BACH1: variants seen among roughly 807,000 people sequenced by gnomAD.
The protein encoded by BACH1 is BTB domain and CNC homolog 1.
Under a neutral mutation model 52.9 loss-of-function variants are expected in BACH1, and 35 were observed. That is an observed-to-expected ratio of 0.66 (90% CI 0.51 to 0.88). The LOEUF (loss-of-function observed/expected upper bound fraction) is 0.88, where lower values mean the gene tolerates loss of function less well. Ranked by LOEUF, BACH1 falls within the 40% of genes least tolerant of loss-of-function variation. The pLI, the probability that BACH1 is intolerant of heterozygous loss-of-function variation, is 0.00. For missense variants in BACH1, 808 were observed against 872.6 expected (o/e 0.93, Z 0.93); for synonymous variants, 321 against 319.6 (o/e 1.00, Z -0.05).
chr21:29,321,422 C>CACCGGTCCGTGCTG lies in BACH1; in HGVS notation c.143_156dup (p.Ala53ThrfsTer17). ...TGTGGAGGGACAGCGGTTCCGCGCT[C>CACCGGTCCGTGCTG]ACCGGTCCGTGCTGGCGGCATGCAG... is the stretch of plus-strand genomic sequence containing the variant. On this transcript the variant is annotated frameshift_variant, in exon 2 of 5. Transcript: ENST00000286800. LOFTEE classifies it high-confidence loss of function. 1 of 1,614,216 alleles carries CACCGGTCCGTGCTG rather than the reference C, an allele frequency of 6.2e-7. No homozygotes were observed. Among genetic ancestry groups the CACCGGTCCGTGCTG allele is most frequent in the Admixed American group, 1.7e-5 (1 of 60,028 alleles).
In BACH1 at chr21:29,342,657, G is replaced by A; in HGVS notation, c.2035G>A (p.Val679Met). 6.2e-7 allele frequency: 1 copy of A among 1,614,218 alleles called. No individual in the cohort carries two copies. The highest frequency in any genetic ancestry group is 2.2e-5 in the East Asian group (1 of 44,880). The change falls in exon 5 of 5, where the codon GTG becomes ATG. Residue 679 changes from valine to methionine, a missense_variant. By Grantham distance (21) the Val-to-Met change is conservative. Transcript: ENST00000286800. The stretch of plus-strand genomic sequence containing the variant: ...CAGTTTATCTGACCGGCCTCCAGCA[G>A]TGCTGCCTCCCTGTGCCAGAGGAAA... ...IFSLSDRPPA[V>M]LPPCARGNSE...
intron 1 of BACH1, among the ~76,000 whole-genome samples, chr21:29,306,303 C>G (rs2088657001): frequency 6.6e-6 from 1 of 151,564 alleles, no homozygotes; most frequent in South Asian, 2.1e-4. Context: ...TGCAAGATGG[C>G]TGCCACAAGT....
downstream of BACH1, among the ~76,000 whole-genome samples, chr21:29,346,792 T>G (rs1474820898): frequency 6.6e-6 from 1 of 151,768 alleles, no homozygotes; most frequent in Non-Finnish European, 1.5e-5. Context: ...GCTGCAAGAG[T>G]TCAAAGGAGA....
chr21:29,329,629 C>T lies in BACH1; in HGVS notation c.1712C>T (p.Ala571Val), dbSNP rs774857095. 2 of 1,603,972 alleles carry T rather than the reference C, an allele frequency of 1.2e-6. No homozygotes were observed. The highest frequency in any genetic ancestry group is 2.2e-5 in the East Asian group (1 of 44,514). The change falls in exon 4 of 5, where the codon GCA becomes GTA. Residue 571 changes from alanine to valine, a missense_variant. Physicochemically the swap from Ala to Val is moderately conservative, Grantham distance 64. Coordinates refer to ENST00000286800, the MANE Select transcript of BACH1 (RefSeq NM_001186.4). ...AGAAGAAGTAAAAACAGAATTGCTG[C>T]ACAGCGCTGTCGCAAGAGAAAACTT... ...IRRRSKNRIA[A>V]QRCRKRKLDC...
Position 29,344,337 on chromosome 21 carries a change from A to G in BACH1, c.*1504A>G, listed in dbSNP as rs2089146651. On this transcript the variant is annotated 3_prime_UTR_variant, in exon 5 of 5. Transcript: ENST00000286800. The stretch of plus-strand genomic sequence containing the variant: ...CAGGGCTTGTCTAGCTAATGTGGGC[A>G]GCCACCACCCACTGTGTATGAACAA... 6.5e-6 allele frequency: 1 copy of G among 152,680 alleles called. No homozygotes were observed. Among genetic ancestry groups the G allele is most frequent in the Admixed American group, 6.5e-5 (1 of 15,278 alleles). 9.5% of individuals were successfully genotyped at this position (152,680 alleles called of 1,614,324 possible).
Position 29,358,479 on chromosome 21 carries a change from C to T in BACH1, c.472+28786C>T, listed in dbSNP as rs189813556. 6.6e-5 allele frequency among the ~76,000 whole-genome samples: 10 copies of T among 152,294 alleles called. No individual in the cohort carries two copies. In the East Asian group the frequency reaches 1.5e-3, roughly 23 times the overall value. On this transcript the variant is annotated intron_variant, in intron 2 of 4. Transcript: ENST00000422809. ...AAAGTGGGCTGGGCGCCGTGGCTCA[C>T]GCCTGTAATCCCAGCACTTTGGGAG...
chr21:29,347,712 C>T (rs1025901259), downstream of BACH1, among the ~76,000 whole-genome samples: 2 of 152,182 alleles, frequency 1.3e-5, no homozygotes, highest in African/African-American at 4.8e-5. Context: ...AACATTTGGT[C>T]TCAGAAGGCT....
Position 29,342,436 on chromosome 21 carries a change from A to C in BACH1, c.1814A>C (p.His605Pro). 2 of 1,614,080 alleles carry C rather than the reference A, an allele frequency of 1.2e-6. No individual in the cohort carries two copies. Among genetic ancestry groups the C allele is most frequent in the Non-Finnish European group, 1.7e-6 (2 of 1,179,940 alleles). ...EKESLLKERD[H>P]ILSTLGETKQ... ...GAGAGCTTGTTGAAGGAAAGAGATC[A>C]CATTTTGTCAACTCTGGGTGAGACA... The change falls in exon 5 of 5, where the codon CAC (histidine) becomes CCC (proline). Residue 605 changes from histidine (H) to proline (P), a missense_variant. Physicochemically the swap from His to Pro is moderately conservative, Grantham distance 77. Transcript: ENST00000286800.
chr21:29,356,744 G>T (rs537456631), intron 2 of BACH1, among the ~76,000 whole-genome samples: 1 of 152,388 alleles, frequency 6.6e-6, no homozygotes, highest in Non-Finnish European at 1.5e-5. Flanking sequence ...GGTGATATTG[G>T]AGTGTTACAG....
chr21:29,303,248 A>G (rs907193568), intron 1 of BACH1, among the ~76,000 whole-genome samples: 28 of 152,252 alleles, frequency 1.8e-4, no homozygotes, highest in Non-Finnish European at 3.8e-4. Context: ...TACAATGGAC[A>G]TATTTATCGT....
intron 1 of BACH1, among the ~76,000 whole-genome samples, chr21:29,315,983 TA>T (rs200389596): frequency 1.2e-3 from 180 of 148,804 alleles, no homozygotes; most frequent in African/African-American, 3.4e-3. Flanking sequence ...AGCCTTTTTT[TA>T]AAAAAAAAAA....
In BACH1 at chr21:29,336,939, T is replaced by C. The variant is rs1446350691; in HGVS notation, c.1777-5460T>C. Among the ~76,000 whole-genome samples, 3 of 152,224 alleles carry C rather than the reference T, an allele frequency of 2.0e-5. No homozygotes were observed. In the East Asian group the frequency reaches 5.8e-4, roughly 29 times the overall value. ...TGCTTTCCTCAGCCTCCCAAAGTGC[T>C]GGGATTACAGACATGAGCCACCATG... On this transcript the variant is annotated intron_variant, in intron 4 of 4. Transcript: ENST00000286800.
At chr21:29,301,244 A>G (rs1343024410) in intron 1 of BACH1, among the ~76,000 whole-genome samples, 2 of 152,238 alleles carry the variant, frequency 1.3e-5, no homozygotes, top group Non-Finnish European at 2.9e-5. Context: ...ATTTGGAAGG[A>G]ATATATTAAA....
At chr21:29,307,385 A>G (rs2088670863) in intron 1 of BACH1, among the ~76,000 whole-genome samples, 1 of 151,982 alleles carries the variant, frequency 6.6e-6, no homozygotes, top group South Asian at 2.1e-4. Flanking sequence ...GCTAATTAAC[A>G]TGTCCATTAC....
downstream of BACH1, among the ~76,000 whole-genome samples, chr21:29,348,466 A>G (rs978325671): frequency 1.0e-4 from 14 of 140,634 alleles, no homozygotes; most frequent in African/African-American, 3.8e-4. Context: ...TAGTATCTGG[A>G]AAAAAAAAAA....
At chr21:29,360,872 C>A (rs951773968) in intron 2 of BACH1, among the ~76,000 whole-genome samples, 33 of 149,512 alleles carry the variant, frequency 2.2e-4, no homozygotes, top group Non-Finnish European at 4.0e-4. Context: ...CAAAAAAAAA[C>A]CCCACATGCT....
intron 1 of BACH1, among the ~76,000 whole-genome samples, chr21:29,302,822 T>A (rs1006244244): frequency 2.6e-5 from 4 of 152,198 alleles, no homozygotes; most frequent in African/African-American, 9.7e-5. Context: ...ACTCTTATGT[T>A]AAGTCAGTAG....
At position 29,304,127 on chromosome 21, in the gene BACH1, TTC is replaced by T. The variant is rs1455974271; in HGVS notation, c.-61+5176_-61+5177del. 1.4e-3 allele frequency among the ~76,000 whole-genome samples: 215 copies of T among 151,938 alleles called. 1 individual carries two copies. The highest frequency in any genetic ancestry group is 4.9e-3 in the African/African-American group (203 of 41,438). On this transcript the variant is annotated intron_variant, in intron 1 of 4. Coordinates refer to ENST00000286800, the MANE Select transcript of BACH1 (RefSeq NM_001186.4). Reference sequence around the variant, plus strand: ...AAACTAGTTATTCCCAGTTTTTTTTTTCTTTTTTTTTTTTTTGAGATGGAGTA... The same window carrying T: ...AAACTAGTTATTCCCAGTTTTTTTTTTTTTTTTTTTTTTTGAGATGGAGTA...
chr21:29,339,333 G>A (rs1028730185), intron 4 of BACH1, among the ~76,000 whole-genome samples: 1 of 152,044 alleles, frequency 6.6e-6, no homozygotes, highest in Non-Finnish European at 1.5e-5. Context: ...ATGATATCTC[G>A]TGGTAGCTTT....
Sources: gnomAD v4.1 joint callset for allele counts (sites outside exome capture counted in the v4.1 genomes callset) on GRCh38, gnomAD v4.1.1 for gene constraint, MANE v1.5 for transcripts, NCBI Gene and HGNC (gene_info 2026-07-23, HGNC 2026-07-21) for gene names.